FARS2: variants seen among roughly 807,000 people sequenced by gnomAD.
FARS2 encodes phenylalanyl-tRNA synthetase 2, mitochondrial.
FARS2 carries 40 observed loss-of-function variants against 46.4 expected under a neutral mutation model. That is an observed-to-expected ratio of 0.86 (90% CI 0.67 to 1.12). The LOEUF (loss-of-function observed/expected upper bound fraction) is 1.12, where lower values mean the gene tolerates loss of function less well. FARS2 is among the 50% of genes most tolerant of loss of function. The probability of loss-of-function intolerance (pLI) is 0.00; values close to 1 mark genes in which losing one functional copy is unlikely to be tolerated. For synonymous variants in FARS2, 234 were observed against 214.9 expected, an observed-to-expected ratio of 1.09 and a Z score of -0.78; for missense variants, 513 against 567.9, an observed-to-expected ratio of 0.90 and a Z score of 0.98.
Position 5,690,294 on chromosome 6 carries a change from G to A in FARS2, c.1217+76974G>A, listed in dbSNP as rs185546337. Among the ~76,000 whole-genome samples the A allele has an allele frequency of 3.7e-4, 56 of 152,248 alleles. No individual in the cohort carries two copies. The East Asian group carries it at 9.7e-3, about 26-fold the overall frequency. On this transcript the variant is annotated intron_variant, in intron 6 of 6. Coordinates refer to ENST00000274680, the MANE Select transcript of FARS2 (RefSeq NM_006567.5). ...GTTGATGCCGTTTCTTCCTAGCCTC[G>A]ATGGTCTTTACAATTTGGCATGATT...
At chr6:5,467,037 A>G (rs1167499654) in intron 4 of FARS2, 1 of 985,018 alleles carries the variant, frequency 1.0e-6, no homozygotes, top group Non-Finnish European at 1.2e-6. Context: ...AGTTTTATAG[A>G]TGGACCATGG....
chr6:5,659,793 A>T lies in FARS2; in HGVS notation c.1217+46473A>T, dbSNP rs563642366. Among the ~76,000 whole-genome samples, 19 of 152,346 alleles carry T rather than the reference A, an allele frequency of 1.2e-4. No individual in the cohort carries two copies. In the Middle Eastern group the frequency reaches 0.014, roughly 109 times the overall value. On this transcript the variant is annotated intron_variant, in intron 6 of 6. Coordinates refer to ENST00000274680, the MANE Select transcript of FARS2 (RefSeq NM_006567.5). ...ACAAGGTACAAACATGTGTTAAAGG[A>T]ACTGTAATATAAACATGACAAGGTA... is the stretch of plus-strand genomic sequence containing the variant.
Position 5,589,292 on chromosome 6 carries a change from G to A in FARS2, c.1066-23877G>A, listed in dbSNP as rs542410416. On this transcript the variant is annotated intron_variant, in intron 5 of 6. Coordinates refer to ENST00000274680, the MANE Select transcript of FARS2 (RefSeq NM_006567.5). ...TCAGTCTCCTCAGCTGTGATGAGGGGTTGGTGTGAGGATTAACAGAAAGCC... is the reference window on the plus strand; with the variant it reads ...TCAGTCTCCTCAGCTGTGATGAGGGATTGGTGTGAGGATTAACAGAAAGCC... Among the ~76,000 whole-genome samples, 4 of 152,326 alleles carry A rather than the reference G, an allele frequency of 2.6e-5. No homozygotes were observed. The South Asian group carries it at 8.3e-4, about 32-fold the overall frequency.
At chr6:5,352,557 C>T (rs1182349920) in intron 1 of FARS2, among the ~76,000 whole-genome samples, 1 of 151,284 alleles carries the variant, frequency 6.6e-6, no homozygotes, top group African/African-American at 2.4e-5. Context: ...TCAGTTACCT[C>T]CAGTCAGCAC....
Position 5,709,698 on chromosome 6 carries a change from G to GTGCGCA in FARS2, c.1218-61593_1218-61592insTGCGCA, listed in dbSNP as rs70975922. On this transcript the variant is annotated intron_variant, in intron 6 of 6. Coordinates refer to ENST00000274680, the MANE Select transcript of FARS2 (RefSeq NM_006567.5). ...TGTGTGTGTGTGTGTGTGTGTGTGT[G>GTGCGCA]CGCATGCACGTGCATGTTGGGGGGG... Among the ~76,000 whole-genome samples the GTGCGCA allele has an allele frequency of 8.5e-4, 13 of 15,276 alleles. 1 individual carries two copies. The highest frequency in any genetic ancestry group is 2.3e-3 in the African/African-American group (9 of 3,898). The allele number at this position is 15,276 out of a possible 152,430, so 10.0% of individuals were successfully genotyped here.
At chr6:5,468,341 G>T in intron 4 of FARS2, among the ~76,000 whole-genome samples, 1 of 149,456 alleles carries the variant, frequency 6.7e-6, no homozygotes, top group South Asian at 2.1e-4. Context: ...TTTTTCCCTT[G>T]GCTGGTAAAA....
intron 6 of FARS2, among the ~76,000 whole-genome samples, chr6:5,754,693 T>C (rs764344250): frequency 3.3e-5 from 5 of 152,216 alleles, no homozygotes; most frequent in Admixed American, 6.5e-5. Flanking sequence ...CTTAGCTGGG[T>C]ATAATTGATG....
intron 5 of FARS2, among the ~76,000 whole-genome samples, chr6:5,573,318 T>TAA (rs1772764575): frequency 6.6e-6 from 1 of 152,170 alleles, no homozygotes; most frequent in South Asian, 2.1e-4. Context: ...ATAGGCAACT[T>TAA]TTATTGAGTG....
At chr6:5,551,417 A>G (rs1479871849) in intron 5 of FARS2, among the ~76,000 whole-genome samples, 5 of 152,194 alleles carry the variant, frequency 3.3e-5, no homozygotes, top group African/African-American at 1.2e-4. Context: ...GTCACAGTCT[A>G]TAACATCCAT....
intron 4 of FARS2, among the ~76,000 whole-genome samples, chr6:5,491,906 A>G (rs1445764503): frequency 1.4e-5 from 2 of 144,496 alleles, no homozygotes; most frequent in Non-Finnish European, 3.0e-5. Flanking sequence ...GTGCTATTGT[A>G]AAGATTTTTT....
chr6:5,397,760 C>T (rs921738992), intron 2 of FARS2, among the ~76,000 whole-genome samples: 1 of 152,076 alleles, frequency 6.6e-6, no homozygotes, highest in Non-Finnish European at 1.5e-5. Flanking sequence ...ATATTTTTCA[C>T]GTGTCCATCT....
chr6:5,507,197 T>A (rs1480881048), intron 4 of FARS2, among the ~76,000 whole-genome samples: 7 of 152,218 alleles, frequency 4.6e-5, no homozygotes, highest in Non-Finnish European at 8.8e-5. Flanking sequence ...ACATTTACAG[T>A]GTGGTTAACA....
At chr6:5,568,679 G>T (rs1475228334) in intron 5 of FARS2, among the ~76,000 whole-genome samples, 1 of 152,182 alleles carries the variant, frequency 6.6e-6, no homozygotes, top group East Asian at 1.9e-4. Flanking sequence ...GGGAATGTGG[G>T]CAGTGGCAAA....
At chr6:5,682,637 C>T (rs1779091363) in intron 6 of FARS2, among the ~76,000 whole-genome samples, 1 of 152,216 alleles carries the variant, frequency 6.6e-6, no homozygotes, top group Non-Finnish European at 1.5e-5. Flanking sequence ...ATTCTTTTAT[C>T]CATGCACTCA....
chr6:5,741,777 A>C (rs1345795486), intron 6 of FARS2, among the ~76,000 whole-genome samples: 1 of 152,092 alleles, frequency 6.6e-6, no homozygotes, highest in Non-Finnish European at 1.5e-5. Context: ...CAGCCTCCTG[A>C]GCAGCTGGGA....
chr6:5,332,009 T>C (rs1770831391), intron 1 of FARS2, among the ~76,000 whole-genome samples: 2 of 152,192 alleles, frequency 1.3e-5, no homozygotes, highest in Admixed American at 6.5e-5. Context: ...TGTTATTTCA[T>C]TGAGTTTTCA....
chr6:5,702,094 C>T (rs1240863318), intron 6 of FARS2, among the ~76,000 whole-genome samples: 2 of 152,194 alleles, frequency 1.3e-5, no homozygotes, highest in Non-Finnish European at 2.9e-5. Context: ...TGACATTCCT[C>T]CCTTTCCCAA....
chr6:5,705,423 A>G (rs563227714), intron 6 of FARS2, among the ~76,000 whole-genome samples: 62 of 152,268 alleles, frequency 4.1e-4, no homozygotes, highest in African/African-American at 1.4e-3. Flanking sequence ...TGCTGAAGCC[A>G]CAGATCATGG....
chr6:5,278,766 C>T (rs1207760560), intron 1 of FARS2, among the ~76,000 whole-genome samples: 1 of 152,152 alleles, frequency 6.6e-6, no homozygotes, highest in African/African-American at 2.4e-5. Flanking sequence ...TCCCCCTCTC[C>T]ACCCCGTGTG....
Sources: allele counts gnomAD v4.1 joint callset (sites outside exome capture counted in the v4.1 genomes callset), GRCh38; gene constraint gnomAD v4.1.1; transcripts MANE v1.5; gene names NCBI Gene and HGNC (gene_info 2026-07-23, HGNC 2026-07-21).